ERI3: variants seen among roughly 807,000 people sequenced by gnomAD.
The protein encoded by ERI3 is ERI1 exoribonuclease family member 3, also known as ERI1 exoribonuclease 3.
In ERI3, 18 loss-of-function variants were observed where a neutral mutation model predicts 44.4. The observed-to-expected ratio is 0.41, with a 90% CI of 0.28 to 0.60. The LOEUF (loss-of-function observed/expected upper bound fraction) is 0.60. Among genes scored for constraint, ERI3 ranks in the 20% least tolerant of loss-of-function variants. ERI3 has a pLI of 0.36. For missense variants in ERI3, 294 were observed against 435.5 expected (o/e 0.68, Z 2.89); for synonymous variants, 183 against 164.8 (o/e 1.11, Z -0.84).
At chr1:44,353,866 C>T (rs1438446117) in intron 1 of ERI3, 1 of 985,336 alleles carries the variant, frequency 1.0e-6, no homozygotes. Flanking sequence ...CAATCACTTC[C>T]CGGCAGCTCC....
chr1:44,314,789 G>C (rs750213621), intron 4 of ERI3, among the ~76,000 whole-genome samples: 1 of 152,188 alleles, frequency 6.6e-6, no homozygotes, highest in Non-Finnish European at 1.5e-5. Flanking sequence ...CGCATTACAG[G>C]AACTAGAGAT....
At chr1:44,263,915 T>C (rs944380048) in intron 7 of ERI3, among the ~76,000 whole-genome samples, 4 of 152,092 alleles carry the variant, frequency 2.6e-5, no homozygotes, top group African/African-American at 7.2e-5. Flanking sequence ...TAGACCCCAG[T>C]AGGGGACATG....
chr1:44,287,529 T>C (rs1645418131), intron 6 of ERI3, among the ~76,000 whole-genome samples: 1 of 152,204 alleles, frequency 6.6e-6, no homozygotes, highest in Non-Finnish European at 1.5e-5. Flanking sequence ...AGTGGCACAG[T>C]GACATTAACT....
chr1:44,343,837 C>T (rs1363223111), intron 2 of ERI3, among the ~76,000 whole-genome samples: 1 of 152,124 alleles, frequency 6.6e-6, no homozygotes, highest in African/African-American at 2.4e-5. Context: ...GGTGATGGGG[C>T]ATTAGGTCGG....
intron 6 of ERI3, among the ~76,000 whole-genome samples, chr1:44,289,185 G>GA (rs1309682052): frequency 2.6e-5 from 4 of 152,222 alleles, no homozygotes; most frequent in Non-Finnish European, 5.9e-5. Flanking sequence ...CCATAAAAAG[G>GA]AATGAGATTT....
chr1:44,283,929 T>C (rs901907622), intron 7 of ERI3: 12 of 460,820 alleles, frequency 2.6e-5, no homozygotes, highest in Non-Finnish European at 4.9e-5. Flanking sequence ...ATCCTCGCCA[T>C]ACCTAGCCTC....
At chr1:44,275,008 A>AC (rs1645154310) in intron 7 of ERI3, among the ~76,000 whole-genome samples, 1 of 152,130 alleles carries the variant, frequency 6.6e-6, no homozygotes, top group African/African-American at 2.4e-5. Flanking sequence ...GGATGATGCC[A>AC]AAGACCGAGA....
chr1:44,262,184 T>G (rs1572139788), intron 7 of ERI3, among the ~76,000 whole-genome samples: 1 of 152,136 alleles, frequency 6.6e-6, no homozygotes, highest in East Asian at 1.9e-4. Flanking sequence ...TAACCCCCAC[T>G]GGGCCCAGCC....
chr1:44,328,610 T>C (rs575253879), intron 3 of ERI3, among the ~76,000 whole-genome samples: 1 of 152,318 alleles, frequency 6.6e-6, no homozygotes, highest in South Asian at 2.1e-4. Flanking sequence ...ATTCAGATTA[T>C]ATTTCAGTAT....
rs904318002 is a variant in ERI3, at chr1:44,252,734, A to G, written c.832-4696T>C. ...ATCCTTCAAAGAGGAAAGAGGCCTC[A>G]GCAGCTGCTATGGTATCTCTGCCCA... is the stretch of plus-strand genomic sequence containing the variant. On this transcript the variant is annotated intron_variant, in intron 7 of 8. Coordinates refer to ENST00000372257, the MANE Select transcript of ERI3 (RefSeq NM_024066.3). The surrounding 1 kb of genome is among the most constrained non-coding windows in gnomAD (Gnocchi z 4.7). Among the ~76,000 whole-genome samples the G allele has an allele frequency of 2.6e-5, 4 of 152,200 alleles. No homozygotes were observed. The highest frequency in any genetic ancestry group is 9.7e-5 in the African/African-American group (4 of 41,442).
rs566804503 is a variant in ERI3 at position 44,261,642 on chromosome 1, G to A, written c.832-13604C>T. ...TGAGGAGAGCTGGCGGCTGCGCCCCGCTATGCGCTCCGCTCCGTCCCCAAA... is the reference window on the plus strand; with the variant it reads ...TGAGGAGAGCTGGCGGCTGCGCCCCACTATGCGCTCCGCTCCGTCCCCAAA... On this transcript the variant is annotated intron_variant, in intron 7 of 8. Coordinates refer to ENST00000372257, the MANE Select transcript of ERI3 (RefSeq NM_024066.3). Among the ~76,000 whole-genome samples, 11 of 152,376 alleles carry A rather than the reference G, an allele frequency of 7.2e-5. No individual in the cohort carries two copies. The South Asian group carries it at 1.9e-3, about 26-fold the overall frequency.
Position 44,342,812 on chromosome 1 carries a change from AATATATATATATATATATATATATATAT to A in ERI3, c.212-3518_212-3491del, listed in dbSNP as rs59012227. 8.2e-3 allele frequency among the ~76,000 whole-genome samples: 254 copies of A among 30,906 alleles called. 5 individuals are homozygous for A. Among genetic ancestry groups the A allele is most frequent in the East Asian group, 0.029 (26 of 890 alleles). 20.3% of individuals were successfully genotyped at this position (30,906 alleles called of 152,430 possible). ...CAGGCATGTGCCACCACATCCAGCT[AATATATATATATATATATATATATATAT>A]ATATATATATATATATATTTTTTTT... On this transcript the variant is annotated intron_variant, in intron 2 of 8. Transcript: ENST00000372257.
chr1:44,327,347 C>T (rs1333746179), intron 3 of ERI3, among the ~76,000 whole-genome samples: 1 of 152,196 alleles, frequency 6.6e-6, no homozygotes, highest in East Asian at 1.9e-4. Context: ...GCCTGCCTCC[C>T]AGTCACCTGC....
In ERI3 at chr1:44,235,566, A is replaced by G. The variant is rs527890895; in HGVS notation, c.931+12373T>C. On this transcript the variant is annotated intron_variant, in intron 8 of 8. Coordinates refer to ENST00000372257, the MANE Select transcript of ERI3 (RefSeq NM_024066.3). This position sits in a 1 kb window ranked among gnomAD's most constrained non-coding sequence, Gnocchi z 4.6. ...AGAAGGAAGGAAGGACTAGAGGAAA[A>G]GAAAGAGGGGCAAGATCACACGCAA... Among the ~76,000 whole-genome samples the G allele has an allele frequency of 1.2e-3, 185 of 152,318 alleles. No individual in the cohort carries two copies. The highest frequency in any genetic ancestry group is 2.0e-3 in the Non-Finnish European group (138 of 68,036).
At chr1:44,334,129 C>T (rs553233556) in intron 3 of ERI3, among the ~76,000 whole-genome samples, 2 of 152,336 alleles carry the variant, frequency 1.3e-5, no homozygotes, top group Non-Finnish European at 2.9e-5. Flanking sequence ...AGTGGGTAGC[C>T]GCCAGGATGG....
intron 6 of ERI3, among the ~76,000 whole-genome samples, chr1:44,300,319 A>C (rs1462962889): frequency 6.6e-6 from 1 of 152,168 alleles, no homozygotes; most frequent in African/African-American, 2.4e-5. Flanking sequence ...AGACCCTCTG[A>C]CACCTTCCTA....
At chr1:44,264,583 T>A (rs1314871388) in intron 7 of ERI3, among the ~76,000 whole-genome samples, 1 of 151,876 alleles carries the variant, frequency 6.6e-6, no homozygotes, top group Non-Finnish European at 1.5e-5. Flanking sequence ...CCGGGTGGGG[T>A]CTCCTCCCTC....
chr1:44,253,239 C>G (rs1166613891), intron 7 of ERI3, among the ~76,000 whole-genome samples: 3 of 152,196 alleles, frequency 2.0e-5, no homozygotes, highest in Non-Finnish European at 2.9e-5. Flanking sequence ...GCAGCCCATG[C>G]CTCATAGAAA....
rs538899469 is a variant in ERI3 at position 44,294,751 on chromosome 1, T to C, written c.759-9844A>G. 5.3e-5 allele frequency among the ~76,000 whole-genome samples: 8 copies of C among 152,368 alleles called. No individual in the cohort carries two copies. In the East Asian group the frequency reaches 1.2e-3, roughly 22 times the overall value. On this transcript the variant is annotated intron_variant, in intron 6 of 8. Transcript: ENST00000372257. ...ACACTGTGGTCAGTGCCTCAGCTAA[T>C]GAGCTATTCTCTTTTTGGCCAGGGA...
Sources: allele counts gnomAD v4.1 joint callset (sites outside exome capture counted in the v4.1 genomes callset), GRCh38; gene constraint gnomAD v4.1.1; non-coding constraint Gnocchi (gnomAD v3.1); transcripts MANE v1.5; gene names NCBI Gene and HGNC (gene_info 2026-07-23, HGNC 2026-07-21).